Variants in SYN3 observed in about 807,000 individuals in gnomAD.
SYN3 encodes the protein synapsin III, also known as synapsin-3.
In SYN3, 35 loss-of-function variants were observed where a neutral mutation model predicts 65.8. That is an observed-to-expected ratio of 0.53 (90% CI 0.41 to 0.70). The LOEUF (loss-of-function observed/expected upper bound fraction) is 0.70, where lower values mean the gene tolerates loss of function less well. SYN3 is among the 30% of genes least tolerant of loss of function. SYN3 has a pLI of 0.00. For missense variants in SYN3, 680 were observed against 749.0 expected (o/e 0.91, Z 1.08); for synonymous variants, 270 against 292.9 (o/e 0.92, Z 0.80).
At chr22:32,599,315 C>T (rs2059247417) in intron 6 of SYN3, among the ~76,000 whole-genome samples, 1 of 149,242 alleles carries the variant, frequency 6.7e-6, no homozygotes, top group African/African-American at 2.5e-5. Flanking sequence ...AGCTGAAGCC[C>T]CTGATGTACT....
intron 3 of SYN3, among the ~76,000 whole-genome samples, chr22:32,951,800 A>C (rs2051298607): frequency 6.6e-6 from 1 of 152,044 alleles, no homozygotes; most frequent in Admixed American, 6.5e-5. Context: ...GCCAGCTCGG[A>C]CTCAGTTTGT....
intron 7 of SYN3, among the ~76,000 whole-genome samples, chr22:32,563,486 C>T (rs775937866): frequency 6.6e-6 from 1 of 152,092 alleles, no homozygotes; most frequent in African/African-American, 2.4e-5. Flanking sequence ...GTAGGACACT[C>T]GTGGAAGATA....
At chr22:32,683,338 C>T (rs1235971377) in intron 6 of SYN3, among the ~76,000 whole-genome samples, 1 of 152,108 alleles carries the variant, frequency 6.6e-6, no homozygotes, top group South Asian at 2.1e-4. Flanking sequence ...CCAAACCCCT[C>T]CTCCTTAGAA....
intron 7 of SYN3, among the ~76,000 whole-genome samples, chr22:32,575,339 C>G (rs886626629): frequency 6.6e-6 from 1 of 152,080 alleles, no homozygotes; most frequent in Non-Finnish European, 1.5e-5. Context: ...GGACACAAGT[C>G]GAGTCAGCTT....
chr22:32,621,514 C>T (rs1281345251), intron 6 of SYN3, among the ~76,000 whole-genome samples: 1 of 152,128 alleles, frequency 6.6e-6, no homozygotes, highest in Non-Finnish European at 1.5e-5. Flanking sequence ...TTTGTGACTG[C>T]TGTTTACATG....
chr22:32,677,771 A>T (rs130750), intron 6 of SYN3, among the ~76,000 whole-genome samples: 43,805 of 151,762 alleles, frequency 0.29, 7,342 homozygotes, highest in Middle Eastern at 0.4. Flanking sequence ...ACTGCACTCC[A>T]GCCTGGGCGA....
At chr22:32,988,350 AT>A (rs1269572950) in intron 2 of SYN3, among the ~76,000 whole-genome samples, 38 of 148,966 alleles carry the variant, frequency 2.6e-4, no homozygotes, top group African/African-American at 9.1e-4. Context: ...TAATAATAAA[AT>A]AAATAGATAA....
At chr22:32,980,129 T>C (rs990783990) in intron 3 of SYN3, among the ~76,000 whole-genome samples, 3 of 152,174 alleles carry the variant, frequency 2.0e-5, no homozygotes, top group African/African-American at 7.2e-5. Flanking sequence ...AGAGATAGTA[T>C]TTGCAATTCT....
intron 6 of SYN3, among the ~76,000 whole-genome samples, chr22:32,743,630 G>A (rs981739461): frequency 3.3e-5 from 5 of 152,256 alleles, no homozygotes; most frequent in African/African-American, 1.2e-4. Context: ...TAGATAGGGT[G>A]GGTGGTCAGT....
chr22:32,879,748 G>C (rs1991375), intron 4 of SYN3, among the ~76,000 whole-genome samples: 1 of 152,064 alleles, frequency 6.6e-6, no homozygotes, highest in South Asian at 2.1e-4. Context: ...GTACCTAGCC[G>C]GTGTTAAGCA....
At chr22:32,980,614 T>G in intron 3 of SYN3, 31 bp downstream of exon 3, 1 of 1,609,498 alleles carries the variant, frequency 6.2e-7, no homozygotes, top group Non-Finnish European at 8.5e-7. Context: ...AAAGGTCAGT[T>G]GACAGTGCTA....
At chr22:32,727,415 C>A (rs1206077640) in intron 6 of SYN3, among the ~76,000 whole-genome samples, 1 of 152,130 alleles carries the variant, frequency 6.6e-6, no homozygotes, top group East Asian at 1.9e-4. Context: ...TGATTCCATG[C>A]CTTTGCCATT....
intron 6 of SYN3, among the ~76,000 whole-genome samples, chr22:32,663,500 G>A (rs1049755461): frequency 1.5e-3 from 221 of 151,904 alleles, no homozygotes; most frequent in African/African-American, 4.9e-3. Flanking sequence ...GGGTTTCACC[G>A]TGTTAGCCAG....
At chr22:32,893,461 G>A (rs1185960452) in intron 4 of SYN3, among the ~76,000 whole-genome samples, 1 of 152,160 alleles carries the variant, frequency 6.6e-6, no homozygotes, top group African/African-American at 2.4e-5. Context: ...ACAGTAACAG[G>A]GGCCCAGGAT....
chr22:32,963,851 C>G (rs948641019), intron 3 of SYN3, among the ~76,000 whole-genome samples: 1 of 152,136 alleles, frequency 6.6e-6, no homozygotes, highest in African/African-American at 2.4e-5. Context: ...CAAGAATAAG[C>G]AAATTAAGAC....
chr22:32,987,287 C>CA (rs1310842227), intron 2 of SYN3, among the ~76,000 whole-genome samples: 3 of 152,118 alleles, frequency 2.0e-5, no homozygotes, highest in African/African-American at 7.2e-5. Flanking sequence ...GGAAGACAAC[C>CA]AATGGGCTGT....
At chr22:32,951,179 G>A (rs565788959) in intron 3 of SYN3, among the ~76,000 whole-genome samples, 10 of 152,276 alleles carry the variant, frequency 6.6e-5, no homozygotes, top group African/African-American at 1.9e-4. Flanking sequence ...GATTTACTCT[G>A]ATGCCTCCCC....
At chr22:32,713,114 A>AATGG (rs2060987592) in intron 6 of SYN3, among the ~76,000 whole-genome samples, 1 of 152,110 alleles carries the variant, frequency 6.6e-6, no homozygotes, top group South Asian at 2.1e-4. Flanking sequence ...TTATTTATTG[A>AATGG]ATGGATGGAT....
intron 6 of SYN3, among the ~76,000 whole-genome samples, chr22:32,733,406 C>G (rs2061296359): frequency 6.6e-6 from 1 of 152,170 alleles, no homozygotes; most frequent in South Asian, 2.1e-4. Context: ...GGAGGAGGAA[C>G]TAACAAAGAC....
Sources: allele counts gnomAD v4.1 joint callset (sites outside exome capture counted in the v4.1 genomes callset), GRCh38; gene constraint gnomAD v4.1.1; transcripts MANE v1.5; gene names NCBI Gene and HGNC (gene_info 2026-07-23, HGNC 2026-07-21).